CCDC152: variants seen among roughly 807,000 people sequenced by gnomAD.
The protein encoded by CCDC152 is coiled-coil domain containing 152, also known as coiled-coil domain-containing protein 152.
In CCDC152, 37 loss-of-function variants were observed where a neutral mutation model predicts 38.1. The observed-to-expected ratio is 0.97, with a 90% CI of 0.75 to 1.28. The LOEUF (loss-of-function observed/expected upper bound fraction) is 1.28, where lower values mean the gene tolerates loss of function less well. Among genes scored for constraint, CCDC152 ranks in the 50% most tolerant of loss-of-function variants. CCDC152 has a pLI of 0.00. For missense variants in CCDC152, 259 were observed against 292.1 expected (o/e 0.89, Z 0.83); for synonymous variants, 83 against 87.1 (o/e 0.95, Z 0.26).
chr5:42,778,846 C>G (rs752342289), intron 4 of CCDC152, among the ~76,000 whole-genome samples: 1 of 152,156 alleles, frequency 6.6e-6, no homozygotes, highest in Non-Finnish European at 1.5e-5. Context: ...CACTTCTGCA[C>G]TATTCAAAAT....
intron 7 of CCDC152, among the ~76,000 whole-genome samples, 165 bp from the exon 8 acceptor site, chr5:42,799,210 C>A (rs931835242): frequency 1.3e-5 from 2 of 151,774 alleles, no homozygotes; most frequent in Non-Finnish European, 2.9e-5. Context: ...GTTCTTTGCT[C>A]TTTCTGAAAA....
chr5:42,784,232 C>T (rs1487583463), intron 6 of CCDC152, among the ~76,000 whole-genome samples: 1 of 152,130 alleles, frequency 6.6e-6, no homozygotes, highest in Non-Finnish European at 1.5e-5. Context: ...GTTCCCTTTA[C>T]TCCACATCCC....
intron 2 of CCDC152, 48 bp downstream of exon 2, chr5:42,759,256 A>C: frequency 1.7e-6 from 2 of 1,196,916 alleles, no homozygotes; most frequent in East Asian, 5.3e-5. Context: ...TACATGGAAC[A>C]GATTTTGCCA....
chr5:42,786,977 G>A (rs1342552154), intron 6 of CCDC152, among the ~76,000 whole-genome samples: 2 of 151,622 alleles, frequency 1.3e-5, no homozygotes, highest in Non-Finnish European at 2.9e-5. Flanking sequence ...CTTTTGGTAT[G>A]TATTTCTGAT....
intron 2 of CCDC152, 119 bp from the exon 3 acceptor site, chr5:42,762,324 T>C (rs977285088): frequency 1.6e-6 from 1 of 606,834 alleles, no homozygotes. Context: ...TATATGTATT[T>C]TTTTATTAGA....
At chr5:42,777,595 A>G (rs1389714525) in intron 4 of CCDC152, among the ~76,000 whole-genome samples, 1 of 152,198 alleles carries the variant, frequency 6.6e-6, no homozygotes, top group Non-Finnish European at 1.5e-5. Context: ...ACAAACTGAA[A>G]CCATCATCAG....
At chr5:42,792,829 G>A (rs1561279482) in intron 6 of CCDC152, among the ~76,000 whole-genome samples, 3 of 152,198 alleles carry the variant, frequency 2.0e-5, no homozygotes, top group Admixed American at 2.0e-4. Flanking sequence ...CTTAAATGCA[G>A]TAATGGATTT....
At chr5:42,793,572 G>A (rs983567251) in intron 6 of CCDC152, among the ~76,000 whole-genome samples, 1 of 152,128 alleles carries the variant, frequency 6.6e-6, no homozygotes, top group Non-Finnish European at 1.5e-5. Flanking sequence ...CAATGACTCT[G>A]ATTAATATAA....
intron 1 of CCDC152, 101 bp from the exon 2 acceptor site, chr5:42,759,019 G>A (rs1223286221): frequency 1.5e-5 from 12 of 785,702 alleles, no homozygotes; most frequent in Non-Finnish European, 2.3e-5. Context: ...GGTGCCCTAT[G>A]AGTTGAATAT....
chr5:42,779,340 A>G, intron 4 of CCDC152, 118 bp from the exon 5 acceptor site: 2 of 659,822 alleles, frequency 3.0e-6, no homozygotes, highest in Non-Finnish European at 5.5e-6. Context: ...GAAGTGTAGC[A>G]GCTGCTGGAT....
At chr5:42,765,646 A>G (rs911273367) in intron 3 of CCDC152, among the ~76,000 whole-genome samples, 1 of 152,236 alleles carries the variant, frequency 6.6e-6, no homozygotes, top group Non-Finnish European at 1.5e-5. Context: ...CAAAGGTGCC[A>G]AGAACATACA....
chr5:42,792,018 C>A (rs1026009806), intron 6 of CCDC152, among the ~76,000 whole-genome samples: 1 of 152,184 alleles, frequency 6.6e-6, no homozygotes, highest in Non-Finnish European at 1.5e-5. Flanking sequence ...CTTCTGAGAG[C>A]AGCCTCTGCA....
intron 2 of CCDC152, 38 bp downstream of exon 2, chr5:42,759,246 T>A: frequency 7.8e-7 from 1 of 1,284,956 alleles, no homozygotes; most frequent in Non-Finnish European, 1.1e-6. Flanking sequence ...TATATAGGGA[T>A]ACATGGAACA....
intron 3 of CCDC152, among the ~76,000 whole-genome samples, chr5:42,763,068 G>A (rs934679219): frequency 3.9e-5 from 6 of 152,074 alleles, no homozygotes; most frequent in South Asian, 2.1e-4. Flanking sequence ...AGGAACCAAC[G>A]TTTTTTTGAG....
intron 7 of CCDC152, 35 bp downstream of exon 7, chr5:42,796,991 C>T (rs1223391454): frequency 5.0e-6 from 7 of 1,402,828 alleles, no homozygotes; most frequent in South Asian, 1.4e-5. Context: ...CTTGAGGACA[C>T]ATCCCTTAGT....
chr5:42,771,248 CT>C (rs1368433225), intron 4 of CCDC152, among the ~76,000 whole-genome samples: 7 of 151,976 alleles, frequency 4.6e-5, no homozygotes, highest in Non-Finnish European at 8.8e-5. Context: ...ATACCAAAAC[CT>C]ATAGGATACA....
intron 6 of CCDC152, among the ~76,000 whole-genome samples, chr5:42,788,912 G>A (rs1263635979): frequency 1.3e-5 from 2 of 152,108 alleles, no homozygotes; most frequent in East Asian, 1.9e-4. Context: ...TATATTTGCA[G>A]GGGATTTGGT....
At chr5:42,777,368 A>C (rs1054750892) in intron 4 of CCDC152, among the ~76,000 whole-genome samples, 9 of 152,038 alleles carry the variant, frequency 5.9e-5, no homozygotes, top group African/African-American at 2.2e-4. Context: ...GGGCCGAGGC[A>C]GGAAAATAGC....
In CCDC152 at chr5:42,800,652, G is replaced by T; in HGVS notation, c.*871G>T. ...CTATTTTTGGTTCACTAATTTGGTAGTTTATAAAAATGCTGGAAATGAAAT... is the reference window on the plus strand; with the variant it reads ...CTATTTTTGGTTCACTAATTTGGTATTTTATAAAAATGCTGGAAATGAAAT... On this transcript the variant is annotated 3_prime_UTR_variant, in exon 9 of 9. Transcript: ENST00000361970. The T allele has an allele frequency of 6.7e-7, 1 of 1,494,658 alleles. No individual in the cohort carries two copies. Among genetic ancestry groups the T allele is most frequent in the East Asian group, 2.3e-5 (1 of 43,724 alleles). The allele number at this position is 1,494,658 out of a possible 1,614,324, so 92.6% of individuals were successfully genotyped here.
Sources: gnomAD v4.1 joint callset for allele counts (sites outside exome capture counted in the v4.1 genomes callset) on GRCh38, gnomAD v4.1.1 for gene constraint, MANE v1.5 for transcripts, NCBI Gene and HGNC (gene_info 2026-07-23, HGNC 2026-07-21) for gene names.